Variants in PCDH15 observed in about 807,000 individuals in gnomAD.
The protein encoded by PCDH15 is protocadherin-15.
PCDH15 carries 129 observed loss-of-function variants against 178.5 expected under a neutral mutation model. That is an observed-to-expected ratio of 0.72 (90% CI 0.63 to 0.84). PCDH15 has a LOEUF of 0.84. PCDH15 is among the 40% of genes least tolerant of loss of function. The pLI is 0.00. For missense variants in PCDH15, 2,230 were observed against 2,099.9 expected, an observed-to-expected ratio of 1.06 and a Z score of -1.21; for synonymous variants, 800 against 732.0, an observed-to-expected ratio of 1.09 and a Z score of -1.50.
intron 1 of PCDH15, among the ~76,000 whole-genome samples, chr10:54,786,104 T>C (rs1950852096): frequency 6.6e-6 from 1 of 151,970 alleles, no homozygotes; most frequent in Admixed American, 6.6e-5. Context: ...GTGCAATTAC[T>C]GAAAGTGAAA....
At chr10:54,075,143 TGAGGCAGGCAGATCAC>T (rs767570872) in intron 17 of PCDH15, among the ~76,000 whole-genome samples, 11 of 152,064 alleles carry the variant, frequency 7.2e-5, no homozygotes, top group Admixed American at 7.2e-4. Flanking sequence ...TTTGGGAGGC[TGAGGCAGGCAGATCAC>T]GAGGTCAGGA....
Position 53,831,418 on chromosome 10 carries a change from C to T in PCDH15, c.4099G>A (p.Gly1367Arg). The T allele has an allele frequency of 6.2e-7, 1 of 1,614,116 alleles. No individual in the cohort carries two copies. The stretch of plus-strand genomic sequence containing the variant: ...CCTTCTGTGTATCCTAGACTTTCTC[C>T]TCTCTTTTTAATGCTGGTCACTGCC... ...PEAVTSIKKRGESLGYTEGAL... is the reference protein window; with the variant it reads ...PEAVTSIKKRRESLGYTEGAL... The change falls in exon 30 of 38, where the codon GGA becomes AGA. Residue 1367 changes from glycine (G) to arginine (R), a missense_variant. Physicochemically the swap from Gly to Arg is moderately radical, Grantham distance 125. Transcript: ENST00000644397.
At chr10:53,836,367 A>T (rs965081294) in intron 29 of PCDH15, among the ~76,000 whole-genome samples, 1 of 152,146 alleles carries the variant, frequency 6.6e-6, no homozygotes, top group Non-Finnish European at 1.5e-5. Flanking sequence ...CCTCTTCCTT[A>T]TAAGAGTGGA....
At chr10:54,600,115 A>C in intron 2 of PCDH15, 3 of 885,720 alleles carry the variant, frequency 3.4e-6, no homozygotes, top group Non-Finnish European at 5.4e-6. Flanking sequence ...AGAGAAACCA[A>C]TGGATGTGCC....
At chr10:54,279,782 T>C (rs1390935262) in intron 8 of PCDH15, among the ~76,000 whole-genome samples, 2 of 151,740 alleles carry the variant, frequency 1.3e-5, no homozygotes, top group African/African-American at 2.4e-5. Flanking sequence ...AATTTTAACC[T>C]TTTCATGCTT....
intron 2 of PCDH15, among the ~76,000 whole-genome samples, chr10:55,411,916 TAGA>T (rs1838345042): frequency 6.6e-6 from 1 of 152,034 alleles, no homozygotes; most frequent in Non-Finnish European, 1.5e-5. Context: ...ATATAAATGA[TAGA>T]TAGATGCAAG....
intron 3 of PCDH15, among the ~76,000 whole-genome samples, chr10:54,426,036 A>C (rs1956232518): frequency 6.6e-6 from 1 of 152,164 alleles, no homozygotes; most frequent in African/African-American, 2.4e-5. Flanking sequence ...GGGACTAGAA[A>C]CCATGCAGCT....
At chr10:54,061,680 T>C (rs1318994860) in intron 18 of PCDH15, among the ~76,000 whole-genome samples, 1 of 152,138 alleles carries the variant, frequency 6.6e-6, no homozygotes, top group African/African-American at 2.4e-5. Flanking sequence ...ATTTGACACT[T>C]GACACAGAGT....
intron 2 of PCDH15, among the ~76,000 whole-genome samples, chr10:55,412,540 A>T (rs2132036357): frequency 6.6e-6 from 1 of 152,112 alleles, no homozygotes; most frequent in African/African-American, 2.4e-5. Context: ...TGAATGGCAC[A>T]ATAAAGTATT....
chr10:54,373,819 T>G (rs1000872471), intron 4 of PCDH15, among the ~76,000 whole-genome samples: 10 of 151,984 alleles, frequency 6.6e-5, no homozygotes, highest in African/African-American at 1.9e-4. Context: ...AGAAGCAGCA[T>G]TTAAGATATC....
At chr10:55,577,683 T>C (rs4412672) in intron 2 of PCDH15, among the ~76,000 whole-genome samples, 51,106 of 152,032 alleles carry the variant, frequency 0.34, 8,923 homozygotes, top group East Asian at 0.49. Flanking sequence ...AAGAGTCAGT[T>C]AACACTGGTT....
intron 2 of PCDH15, among the ~76,000 whole-genome samples, chr10:55,069,250 T>G (rs1841654322): frequency 3.3e-4 from 3 of 9,078 alleles, no homozygotes; most frequent in South Asian, 3.9e-3. Flanking sequence ...GGTATTTTGT[T>G]TTTTTTTTTT....
chr10:54,050,424 T>C (rs2093743755), intron 18 of PCDH15, among the ~76,000 whole-genome samples: 1 of 152,162 alleles, frequency 6.6e-6, no homozygotes, highest in Admixed American at 6.5e-5. Context: ...TTGTCATTTC[T>C]GCTTGTTCTT....
rs546562637 is a variant in PCDH15, at chr10:54,077,736, T to A, written c.2091+1595A>T. On this transcript the variant is annotated intron_variant, in intron 17 of 37. Transcript: ENST00000644397. ...CTTCCTCCAGAAACTCTCACTGACT[T>A]CTTTACATACATCTAACACAGACAT... is the stretch of plus-strand genomic sequence containing the variant. Among the ~76,000 whole-genome samples, 16 of 152,276 alleles carry A rather than the reference T, an allele frequency of 1.1e-4. No individual in the cohort carries two copies. In the South Asian group the frequency reaches 3.1e-3, roughly 30 times the overall value.
chr10:55,334,025 A>G (rs1210484247), intron 2 of PCDH15, among the ~76,000 whole-genome samples: 2 of 151,544 alleles, frequency 1.3e-5, no homozygotes, highest in African/African-American at 4.9e-5. Context: ...TAAAATAAAT[A>G]AAATGATATT....
intron 1 of PCDH15, among the ~76,000 whole-genome samples, chr10:55,211,178 G>C (rs1430780145): frequency 1.3e-5 from 2 of 152,014 alleles, no homozygotes; most frequent in Non-Finnish European, 2.9e-5. Context: ...GAAAGTGGGA[G>C]ACAGCTTGAA....
chr10:54,810,761 A>G (rs1458666660), intron 3 of PCDH15, among the ~76,000 whole-genome samples: 2 of 152,178 alleles, frequency 1.3e-5, no homozygotes, highest in African/African-American at 4.8e-5. Flanking sequence ...AATAATTGCA[A>G]TAAAAAAACT....
intron 3 of PCDH15, among the ~76,000 whole-genome samples, chr10:54,836,712 GAT>G (rs1445051325): frequency 6.6e-6 from 1 of 151,948 alleles, no homozygotes; most frequent in African/African-American, 2.4e-5. Context: ...ATTCAAAAAA[GAT>G]AACAATAGAT....
At chr10:54,731,985 A>C (rs915586300) in intron 1 of PCDH15, among the ~76,000 whole-genome samples, 1 of 151,344 alleles carries the variant, frequency 6.6e-6, no homozygotes, top group Non-Finnish European at 1.5e-5. Flanking sequence ...TATTTAATGG[A>C]TATCTCAATT....
Sources: gnomAD v4.1 joint callset for allele counts (sites outside exome capture counted in the v4.1 genomes callset) on GRCh38, gnomAD v4.1.1 for gene constraint, MANE v1.5 for transcripts, NCBI Gene and HGNC (gene_info 2026-07-23, HGNC 2026-07-21) for gene names.